The following PDZRN4 variants were observed in gnomAD, a reference collection of about 807,000 sequenced individuals.
The protein encoded by PDZRN4 is PDZ domain-containing RING finger protein 4.
PDZRN4 carries 70 observed loss-of-function variants against 99.0 expected under a neutral mutation model. The ratio of observed to expected loss-of-function variants is 0.71; its 90% CI spans 0.58 to 0.86. The LOEUF is 0.86. PDZRN4 is among the 40% of genes least tolerant of loss of function. PDZRN4 has a pLI of 0.00. For missense variants in PDZRN4, 1,474 were observed against 1,331.2 expected (o/e 1.11, Z -1.67); for synonymous variants, 551 against 501.6 (o/e 1.10, Z -1.32).
chr12:41,499,261 T>C (rs541424564), intron 3 of PDZRN4, among the ~76,000 whole-genome samples: 1 of 152,116 alleles, frequency 6.6e-6, no homozygotes, highest in South Asian at 2.1e-4. Flanking sequence ...GACAGAGAGC[T>C]GGGTAAAAAG....
At chr12:41,479,296 CA>C (rs1937637382) in intron 3 of PDZRN4, among the ~76,000 whole-genome samples, 1 of 152,008 alleles carries the variant, frequency 6.6e-6, no homozygotes, top group African/African-American at 2.4e-5. Flanking sequence ...GTAGATGACA[CA>C]GTATTTTTTC....
At chr12:41,489,636 G>A (rs1937845210) in intron 3 of PDZRN4, among the ~76,000 whole-genome samples, 1 of 149,948 alleles carries the variant, frequency 6.7e-6, no homozygotes, top group Admixed American at 6.7e-5. Context: ...GAAAGATTTA[G>A]ACTTCATAAA....
intron 3 of PDZRN4, among the ~76,000 whole-genome samples, chr12:41,300,676 T>C (rs1470491274): frequency 6.6e-6 from 1 of 151,986 alleles, no homozygotes; most frequent in East Asian, 1.9e-4. Flanking sequence ...CTCCCTATTA[T>C]ATCCATAAGA....
At chr12:41,301,497 T>A (rs1283347287) in intron 3 of PDZRN4, among the ~76,000 whole-genome samples, 1 of 152,150 alleles carries the variant, frequency 6.6e-6, no homozygotes, top group African/African-American at 2.4e-5. Context: ...CATAAGGATA[T>A]AATCCTTATA....
intron 3 of PDZRN4, among the ~76,000 whole-genome samples, chr12:41,397,259 C>A (rs898452479): frequency 6.6e-6 from 1 of 152,086 alleles, no homozygotes; most frequent in African/African-American, 2.4e-5. Context: ...CCTCTCTCTC[C>A]CTTCATGCTA....
In PDZRN4 at chr12:41,417,555, T is replaced by C. The variant is rs192338137; in HGVS notation, c.844-88901T>C. Among the ~76,000 whole-genome samples the C allele has an allele frequency of 2.3e-3, 357 of 152,342 alleles. 3 individuals carry two copies. Among genetic ancestry groups the C allele is most frequent in the Non-Finnish European group, 9.8e-4 (67 of 68,038 alleles). On this transcript the variant is annotated intron_variant, in intron 3 of 9. Transcript: ENST00000402685. ...CAAGACGCCAGGAACACAAAGATGA[T>C]GCTTGTACTCCAAGATGTTGCAATA...
chr12:41,284,412 T>C (rs948316247), intron 3 of PDZRN4, among the ~76,000 whole-genome samples: 3 of 152,202 alleles, frequency 2.0e-5, no homozygotes, highest in African/African-American at 7.2e-5. Context: ...GGAATCAATA[T>C]TGTGAAAATG....
chr12:41,433,126 A>T (rs1247684589), intron 3 of PDZRN4, among the ~76,000 whole-genome samples: 1 of 152,242 alleles, frequency 6.6e-6, no homozygotes, highest in Non-Finnish European at 1.5e-5. Flanking sequence ...TAAAGTTTAC[A>T]TCTTTAACCA....
At chr12:41,219,872 A>T (rs547822681) in intron 3 of PDZRN4, among the ~76,000 whole-genome samples, 1 of 152,280 alleles carries the variant, frequency 6.6e-6, no homozygotes, top group South Asian at 2.1e-4. Context: ...CTACTGATAT[A>T]ACCAACAACA....
intron 5 of PDZRN4, among the ~76,000 whole-genome samples, chr12:41,536,801 A>G (rs2120754954): frequency 6.9e-6 from 1 of 144,268 alleles, no homozygotes; most frequent in Admixed American, 6.8e-5. Flanking sequence ...TCTTCTTCAA[A>G]TTCTTACCTT....
At chr12:41,452,803 C>T (rs1952786333) in intron 3 of PDZRN4, among the ~76,000 whole-genome samples, 1 of 151,996 alleles carries the variant, frequency 6.6e-6, no homozygotes, top group Admixed American at 6.5e-5. Context: ...TTCATTTAGT[C>T]CAGCATTTCA....
rs1316024582 is a variant in PDZRN4, at chr12:41,551,020, A to G, written c.1204-1636A>G. On this transcript the variant is annotated intron_variant, in intron 5 of 9. Coordinates refer to ENST00000402685, the MANE Select transcript of PDZRN4 (RefSeq NM_001164595.2). ...ACTATTTCAGATTTTAGACAATTAA[A>G]TGAATACTTTTTGTCTTTGTACATT... Among the ~76,000 whole-genome samples, 5 of 152,188 alleles carry G rather than the reference A, an allele frequency of 3.3e-5. No homozygotes were observed. In the East Asian group the frequency reaches 9.6e-4, roughly 29 times the overall value.
At chr12:41,279,241 A>G (rs1951368599) in intron 3 of PDZRN4, among the ~76,000 whole-genome samples, 1 of 152,236 alleles carries the variant, frequency 6.6e-6, no homozygotes, top group Admixed American at 6.5e-5. Flanking sequence ...TGAACTAGAG[A>G]GATGTATAAG....
At chr12:41,218,953 T>A (rs2120718480) in intron 3 of PDZRN4, among the ~76,000 whole-genome samples, 1 of 149,668 alleles carries the variant, frequency 6.7e-6, no homozygotes, top group East Asian at 1.9e-4. Context: ...GATGTAGGAA[T>A]ATTATTTTAC....
chr12:41,217,917 A>G (rs1462018981), intron 3 of PDZRN4, among the ~76,000 whole-genome samples: 1 of 152,086 alleles, frequency 6.6e-6, no homozygotes, highest in Non-Finnish European at 1.5e-5. Flanking sequence ...TGATTCATAT[A>G]AACTTCCCAC....
At chr12:41,299,759 T>C (rs1592002697) in intron 3 of PDZRN4, among the ~76,000 whole-genome samples, 2 of 152,148 alleles carry the variant, frequency 1.3e-5, no homozygotes, top group African/African-American at 4.8e-5. Flanking sequence ...TATTTGTGTT[T>C]CACAAGAACA....
chr12:41,446,245 C>CTTTATTTATTTA (rs10529599), intron 3 of PDZRN4, among the ~76,000 whole-genome samples: 8,784 of 148,336 alleles, frequency 0.059, 549 homozygotes, highest in African/African-American at 0.16. Context: ...CATTGTAGGG[C>CTTTATTTATTTA]TTTATTTATT....
rs1465386215 is a variant in PDZRN4 at position 41,567,341 on chromosome 12, G to A, written c.1468-442G>A. 2.0e-5 allele frequency among the ~76,000 whole-genome samples: 3 copies of A among 152,046 alleles called. 1 individual carries two copies. Among genetic ancestry groups the A allele is most frequent in the African/African-American group, 7.2e-5 (3 of 41,422 alleles). ...GAAAAAAGCAGGATGAGGATAGCAC[G>A]AGCGTATGGGGGGAACTTTGTGTGC... On this transcript the variant is annotated intron_variant, in intron 8 of 9. Coordinates refer to ENST00000402685, the MANE Select transcript of PDZRN4 (RefSeq NM_001164595.2).
At chr12:41,309,792 C>T (rs1011527527) in intron 3 of PDZRN4, among the ~76,000 whole-genome samples, 1 of 152,042 alleles carries the variant, frequency 6.6e-6, no homozygotes, top group Non-Finnish European at 1.5e-5. Context: ...TTAAAAAATA[C>T]TTCACACTAA....
Sources: allele counts gnomAD v4.1 joint callset (sites outside exome capture counted in the v4.1 genomes callset), GRCh38; gene constraint gnomAD v4.1.1; transcripts MANE v1.5; gene names NCBI Gene and HGNC (gene_info 2026-07-23, HGNC 2026-07-21).